ERCC3: variants seen among roughly 807,000 people sequenced by gnomAD.
ERCC3 encodes the protein general transcription and DNA repair factor IIH helicase/translocase subunit XPB.
ERCC3 carries 66 observed loss-of-function variants against 94.2 expected under a neutral mutation model. That is an observed-to-expected ratio of 0.70 (90% confidence interval 0.57 to 0.86). The LOEUF (loss-of-function observed/expected upper bound fraction) is 0.86. Among genes scored for constraint, ERCC3 ranks in the 40% least tolerant of loss-of-function variants. The pLI is 0.00. For missense variants in ERCC3, 829 were observed against 987.1 expected (o/e 0.84, Z 2.15); for synonymous variants, 349 against 369.1 (o/e 0.95, Z 0.63).
In ERCC3 at chr2:127,274,495, G is replaced by C. The variant is rs1684671479; in HGVS notation, c.1731-1534C>G. 6.6e-6 allele frequency among the ~76,000 whole-genome samples: 1 copy of C among 152,202 alleles called. No individual in the cohort carries two copies. Among genetic ancestry groups the C allele is most frequent in the Admixed American group, 6.5e-5 (1 of 15,286 alleles). On this transcript the variant is annotated intron_variant, in intron 10 of 14. Transcript: ENST00000285398. The surrounding 1 kb of genome is among the most constrained non-coding windows in gnomAD (Gnocchi z 4.0). Reference sequence around the variant, plus strand: ...CACTGCCGAGGCCCGTTAGCACCCAGAGCAGTGCCCATTAATGGATGTACC... The same window carrying C: ...CACTGCCGAGGCCCGTTAGCACCCACAGCAGTGCCCATTAATGGATGTACC...
At chr2:127,263,478 TCCGAAA>T (rs1461178089) in intron 12 of ERCC3, among the ~76,000 whole-genome samples, 16 of 152,322 alleles carry the variant, frequency 1.1e-4, no homozygotes, top group Non-Finnish European at 5.9e-5. Context: ...GATTTTGAAT[TCCGAAA>T]CTTTACTCAA....
chr2:127,289,207 G>C, intron 6 of ERCC3, 130 bp downstream of exon 6: 1 of 817,726 alleles, frequency 1.2e-6, no homozygotes, highest in Non-Finnish European at 2.1e-6. Flanking sequence ...TAATAAAAAG[G>C]AGAAAGCAAT....
rs1317053501 is a variant in ERCC3 at position 127,279,579 on chromosome 2, C to G, written c.1528-204G>C. On this transcript the variant is annotated intron_variant, in intron 9 of 14. Coordinates refer to ENST00000285398, the MANE Select transcript of ERCC3 (RefSeq NM_000122.2). The surrounding 1 kb of genome is among the most constrained non-coding windows in gnomAD (Gnocchi z 4.7). ...GAGTTCAAGACCAGCCTGGCCAACA[C>G]AGTGAAACCCAGTCTCTACTAAAAA... is the stretch of plus-strand genomic sequence containing the variant. Among the ~76,000 whole-genome samples, 1 of 152,044 alleles carries G rather than the reference C, an allele frequency of 6.6e-6. No individual in the cohort carries two copies. Among genetic ancestry groups the G allele is most frequent in the Non-Finnish European group, 1.5e-5 (1 of 67,998 alleles).
chr2:127,269,881 G>C (rs1049934028), intron 12 of ERCC3, among the ~76,000 whole-genome samples: 2 of 151,968 alleles, frequency 1.3e-5, no homozygotes, highest in Non-Finnish European at 2.9e-5. Flanking sequence ...TTAGCTGGAC[G>C]TGGTGGTGCA....
chr2:127,281,949 C>T (rs1343934480), intron 8 of ERCC3, among the ~76,000 whole-genome samples: 7 of 152,164 alleles, frequency 4.6e-5, no homozygotes, highest in African/African-American at 1.7e-4. Flanking sequence ...AGAGGCAACA[C>T]TGGGGGACAT....
rs1237762253 is a variant in ERCC3 at position 127,292,693 on chromosome 2, C to T, written c.388G>A (p.Gly130Arg). Residue 130 changes from glycine (G) to arginine (R), a missense_variant, in exon 3 of 15, where the codon GGG becomes AGG. By Grantham distance (125) the Gly-to-Arg change is moderately radical. Transcript: ENST00000285398. ...TCGGTGATGTCACTGGTTTGCAGCC[C>T]AACGCTGACAGCTGCATACAAGGAG... Reference protein sequence around the residue: ...AYSLYAAVSVGLQTSDITEYL... With the variant: ...AYSLYAAVSVRLQTSDITEYL... 6.2e-7 allele frequency: 1 copy of T among 1,614,128 alleles called. No individual in the cohort carries two copies.
At position 127,271,620 on chromosome 2, in the gene ERCC3, C is replaced by T. The variant is rs1395799348; in HGVS notation, c.1828-167G>A. Among the ~76,000 whole-genome samples the T allele has an allele frequency of 3.9e-5, 6 of 152,104 alleles. No individual in the cohort carries two copies. The highest frequency in any genetic ancestry group is 1.4e-4 in the African/African-American group (6 of 41,402). ...CAGAGAGAGGTGAAGCAATAAACCTCAGAAAGGCATCTCTGGGTCTCCAGG... is the reference window on the plus strand; with the variant it reads ...CAGAGAGAGGTGAAGCAATAAACCTTAGAAAGGCATCTCTGGGTCTCCAGG... On this transcript the variant is annotated intron_variant, in intron 11 of 14. Transcript: ENST00000285398. The surrounding 1 kb of genome is among the most constrained non-coding windows in gnomAD (Gnocchi z 5.0).
At chr2:127,290,173 T>C in intron 4 of ERCC3, 51 bp downstream of exon 4, 1 of 1,393,002 alleles carries the variant, frequency 7.2e-7, no homozygotes, top group Non-Finnish European at 1.0e-6. Context: ...TTCCTGCTGG[T>C]GCGCAGAAAG....
rs749971925 is a variant in ERCC3 at position 127,293,636 on chromosome 2, C to T, written c.111G>A (p.Ala37=). ...CCTGCTTCCCCGCCGCCGAGGGAAC[C>T]GCTTCCTGAGGGTCGTTCCCCGGGG... ...EDAPGNDPQE[A]VPSAAGKQVD... The change falls in exon 2 of 15, where the codon GCG becomes GCA. Residue 37 remains alanine, a synonymous_variant. Transcript: ENST00000285398. 3.7e-6 allele frequency: 6 copies of T among 1,614,178 alleles called. No homozygotes were observed. In the East Asian group the frequency reaches 1.1e-4, roughly 30 times the overall value.
At chr2:127,282,752 A>G (rs1469157792) in intron 8 of ERCC3, among the ~76,000 whole-genome samples, 2 of 152,070 alleles carry the variant, frequency 1.3e-5, no homozygotes, top group African/African-American at 2.4e-5. Context: ...TGTTGGTTTC[A>G]CTCCGCAACT....
At chr2:127,293,364 G>A (rs1405460195) in intron 2 of ERCC3, 149 bp downstream of exon 2, 2 of 749,358 alleles carry the variant, frequency 2.7e-6, no homozygotes, top group East Asian at 2.7e-5. Flanking sequence ...CTGTTGCCTT[G>A]GGCTGTTCCA....
At chr2:127,263,821 C>A (rs1267629453) in intron 12 of ERCC3, among the ~76,000 whole-genome samples, 1 of 151,812 alleles carries the variant, frequency 6.6e-6, no homozygotes, top group East Asian at 2.0e-4. Context: ...CATTCTCCTG[C>A]TTCAGCCTCC....
rs371627165 is a variant in ERCC3 at position 127,280,563 on chromosome 2, C to T, written c.1411G>A (p.Val471Ile). The change falls in exon 9 of 15, where the codon GTC (valine) becomes ATC (isoleucine). Residue 471 changes from valine (V) to isoleucine (I), a missense_variant. Transcript: ENST00000285398. This position sits in a 1 kb window ranked among gnomAD's most constrained non-coding sequence, Gnocchi z 6.3. ...TCCACAATTTTGTCATCTTCGCGGA[C>T]GAGGGTCGCAGTCAAACCCAGCTTA... ...HCKLGLTATL[V>I]REDDKIVDLN... 1.5e-4 allele frequency: 241 copies of T among 1,614,202 alleles called. 1 individual carries two copies. Among genetic ancestry groups the T allele is most frequent in the East Asian group, 1.3e-3 (59 of 44,896 alleles).
At chr2:127,261,602 G>A in intron 12 of ERCC3, 1 of 465,832 alleles carries the variant, frequency 2.1e-6, no homozygotes. Context: ...TTTGTATCTA[G>A]GTTATACAAA....
In ERCC3 at chr2:127,286,697, G is replaced by A; in HGVS notation, c.1342+6C>T. 6.2e-7 allele frequency: 1 copy of A among 1,613,656 alleles called. No homozygotes were observed. Among genetic ancestry groups the A allele is most frequent in the Non-Finnish European group, 8.5e-7 (1 of 1,179,658 alleles). ...CAAGTGGACAGCTCAGCTCCAGCCT[G>A]CTTACCTGGTATGGTGTGCACTTCA... On this transcript the variant is annotated splice_donor_region_variant and intron_variant, in intron 8 of 14. Transcript: ENST00000285398.
rs2104747695 is a variant in ERCC3 at position 127,271,318 on chromosome 2, G to C, written c.1945+18C>G. 2 of 1,552,404 alleles carry C rather than the reference G, an allele frequency of 1.3e-6. No individual in the cohort carries two copies. The highest frequency in any genetic ancestry group is 1.8e-6 in the Non-Finnish European group (2 of 1,123,730). Reference sequence around the variant, plus strand: ...AGAGGAGTGACCTCCTGCAACAGAAGATGAAAGGCCACTTTACCTTTTTTA... The same window carrying C: ...AGAGGAGTGACCTCCTGCAACAGAACATGAAAGGCCACTTTACCTTTTTTA... On this transcript the variant is annotated intron_variant, in intron 12 of 14. Coordinates refer to ENST00000285398, the MANE Select transcript of ERCC3 (RefSeq NM_000122.2). This position sits in a 1 kb window ranked among gnomAD's most constrained non-coding sequence, Gnocchi z 5.0.
rs1341052296 is a variant in ERCC3 at position 127,264,765 on chromosome 2, G to A, written c.1946-3419C>T. Reference sequence around the variant, plus strand: ...ATAGTGGTTTCGTAGTATGAGTTAGGAAGAAGTCTCTCCTCCTCAATTTTT... The same window carrying A: ...ATAGTGGTTTCGTAGTATGAGTTAGAAAGAAGTCTCTCCTCCTCAATTTTT... On this transcript the variant is annotated intron_variant, in intron 12 of 14. Coordinates refer to ENST00000285398, the MANE Select transcript of ERCC3 (RefSeq NM_000122.2). This position sits in a 1 kb window ranked among gnomAD's most constrained non-coding sequence, Gnocchi z 4.4. Among the ~76,000 whole-genome samples the A allele has an allele frequency of 6.6e-6, 1 of 152,098 alleles. No homozygotes were observed. The highest frequency in any genetic ancestry group is 2.4e-5 in the African/African-American group (1 of 41,422).
intron 3 of ERCC3, 126 bp from the exon 4 acceptor site, chr2:127,290,399 C>G (rs1685228531): frequency 2.4e-6 from 2 of 823,366 alleles, no homozygotes; most frequent in African/African-American, 3.3e-5. Flanking sequence ...ACCCAACTTG[C>G]AATCCTAAAG....
At position 127,290,216 on chromosome 2, in the gene ERCC3, T is replaced by C. The variant is rs768253848; in HGVS notation, c.521+8A>G. The stretch of plus-strand genomic sequence containing the variant: ...GCCTTGGGACAGGCCTGTCATGGAA[T>C]CTCTTACCTGTTGTGCTTCAAGACC... On this transcript the variant is annotated splice_region_variant and intron_variant, in intron 4 of 14. Transcript: ENST00000285398. 1.2e-6 allele frequency: 2 copies of C among 1,612,822 alleles called. No individual in the cohort carries two copies. Among genetic ancestry groups the C allele is most frequent in the East Asian group, 2.2e-5 (1 of 44,880 alleles).
Sources: gnomAD v4.1 joint callset for allele counts (sites outside exome capture counted in the v4.1 genomes callset) on GRCh38, gnomAD v4.1.1 for gene constraint, Gnocchi (gnomAD v3.1) non-coding constraint, MANE v1.5 for transcripts, NCBI Gene and HGNC (gene_info 2026-07-23, HGNC 2026-07-21) for gene names.